SORCS2: variants seen among roughly 807,000 people sequenced by gnomAD.
SORCS2 encodes the protein VPS10 domain-containing receptor SorCS2.
Under a neutral mutation model 141.6 loss-of-function variants are expected in SORCS2, and 100 were observed. The ratio of observed to expected loss-of-function variants is 0.71; its 90% confidence interval spans 0.60 to 0.83. The LOEUF (loss-of-function observed/expected upper bound fraction) is 0.83, where lower values mean the gene tolerates loss of function less well. Ranked by LOEUF, SORCS2 falls within the 40% of genes least tolerant of loss-of-function variation. The pLI, the probability that SORCS2 is intolerant of heterozygous loss-of-function variation, is 0.00. For synonymous variants in SORCS2, 789 were observed against 676.9 expected, an observed-to-expected ratio of 1.17 and a Z score of -2.57; for missense variants, 1,646 against 1,560.2, an observed-to-expected ratio of 1.05 and a Z score of -0.93.
chr4:7,677,336 C>T (rs965452210), intron 9 of SORCS2, among the ~76,000 whole-genome samples: 1 of 152,248 alleles, frequency 6.6e-6, no homozygotes, highest in African/African-American at 2.4e-5. Context: ...ACAGGCCTCT[C>T]CTTTGTTCCT....
At chr4:7,292,117 G>A (rs1310073847) in intron 1 of SORCS2, among the ~76,000 whole-genome samples, 2 of 152,150 alleles carry the variant, frequency 1.3e-5, no homozygotes, top group Admixed American at 6.5e-5. Context: ...GCTCTCTCCC[G>A]CTGATCTCCT....
At chr4:7,243,701 C>T (rs1264371233) in intron 1 of SORCS2, among the ~76,000 whole-genome samples, 3 of 152,372 alleles carry the variant, frequency 2.0e-5, no homozygotes, top group African/African-American at 7.2e-5. Context: ...ATGTGGTTTG[C>T]ACAAACAGCA....
intron 1 of SORCS2, among the ~76,000 whole-genome samples, chr4:7,251,370 G>A (rs6446587): frequency 0.18 from 26,609 of 152,038 alleles, 2,786 homozygotes; most frequent in East Asian, 0.33. Context: ...ATATACATAC[G>A]AATATTCAAA....
rs538239658 is a variant in SORCS2, at chr4:7,490,021, C to A, written c.549-41509C>A. 1.1e-4 allele frequency among the ~76,000 whole-genome samples: 17 copies of A among 152,314 alleles called. No homozygotes were observed. The South Asian group carries it at 3.5e-3, about 32-fold the overall frequency. ...TGTTGTATTTCAGGTCTAGAAAGAT[C>A]TCCAGACAACAGGAGGAGTCTGATA... On this transcript the variant is annotated intron_variant, in intron 2 of 26. Coordinates refer to ENST00000507866, the MANE Select transcript of SORCS2 (RefSeq NM_020777.3).
At chr4:7,581,996 A>T (rs1438241717) in intron 3 of SORCS2, among the ~76,000 whole-genome samples, 1 of 152,138 alleles carries the variant, frequency 6.6e-6, no homozygotes, top group Non-Finnish European at 1.5e-5. Flanking sequence ...ATCTACCCAC[A>T]TTATCAGGAA....
At chr4:7,283,629 G>A (rs3846421) in intron 1 of SORCS2, among the ~76,000 whole-genome samples, 102,561 of 152,018 alleles carry the variant, frequency 0.67, 34,692 homozygotes, top group Admixed American at 0.77. Flanking sequence ...ACCTGTGCCT[G>A]CCCTTGTGGG....
At chr4:7,379,315 T>C (rs1722844203) in intron 1 of SORCS2, among the ~76,000 whole-genome samples, 1 of 152,164 alleles carries the variant, frequency 6.6e-6, no homozygotes, top group Non-Finnish European at 1.5e-5. Flanking sequence ...GGATCACCAC[T>C]GGGCATCTGC....
chr4:7,378,023 A>G (rs1481633148), intron 1 of SORCS2, among the ~76,000 whole-genome samples: 1 of 152,242 alleles, frequency 6.6e-6, no homozygotes, highest in Admixed American at 6.5e-5. Context: ...ATTTTCATGA[A>G]GAAGGATATA....
chr4:7,369,778 G>A (rs374083057), intron 1 of SORCS2, among the ~76,000 whole-genome samples: 27 of 152,282 alleles, frequency 1.8e-4, no homozygotes, highest in South Asian at 4.1e-4. Flanking sequence ...CGTGGATTTC[G>A]TCAGCGCATC....
At chr4:7,605,138 A>G (rs956070778) in intron 3 of SORCS2, among the ~76,000 whole-genome samples, 18 of 151,788 alleles carry the variant, frequency 1.2e-4, no homozygotes, top group African/African-American at 4.4e-4. Flanking sequence ...TTTATACCTC[A>G]CTCTGCCTGG....
At chr4:7,414,073 C>T (rs1725502402) in intron 2 of SORCS2, among the ~76,000 whole-genome samples, 1 of 152,170 alleles carries the variant, frequency 6.6e-6, no homozygotes, top group African/African-American at 2.4e-5. Flanking sequence ...GAATGTATCT[C>T]CAGCTAAAGG....
chr4:7,632,536 C>T (rs1021272700), intron 3 of SORCS2, among the ~76,000 whole-genome samples: 27 of 152,316 alleles, frequency 1.8e-4, no homozygotes, highest in African/African-American at 4.8e-4. Flanking sequence ...AAAATAGCCC[C>T]GGCCCAGATT....
Position 7,398,118 on chromosome 4 carries a change from G to A in SORCS2, c.548+1763G>A, listed in dbSNP as rs150937429. Among the ~76,000 whole-genome samples the A allele has an allele frequency of 3.6e-4, 55 of 152,338 alleles. No homozygotes were observed. In the East Asian group the frequency reaches 7.1e-3, roughly 20 times the overall value. ...CCGGTGTGATCTGCACTTATACGAC[G>A]GAGTTGCCGGCTTAGTTTACGTTTG... On this transcript the variant is annotated intron_variant, in intron 2 of 26. Transcript: ENST00000507866.
chr4:7,633,212 A>G (rs573013683), intron 3 of SORCS2, among the ~76,000 whole-genome samples: 1 of 152,296 alleles, frequency 6.6e-6, no homozygotes, highest in African/African-American at 2.4e-5. Context: ...CAGTACACAC[A>G]CAAGTGGTTG....
chr4:7,734,232 G>A (rs762432136), intron 24 of SORCS2, 40 bp from the exon 25 acceptor site: 44 of 1,460,940 alleles, frequency 3.0e-5, no homozygotes, highest in Non-Finnish European at 3.7e-5. Context: ...AGGGATGGGC[G>A]GTGCCCGAGG....
At chr4:7,295,681 G>A (rs1337624793) in intron 1 of SORCS2, among the ~76,000 whole-genome samples, 1 of 152,232 alleles carries the variant, frequency 6.6e-6, no homozygotes, top group African/African-American at 2.4e-5. Context: ...TGGTGTGAAC[G>A]GGACGGCACT....
intron 1 of SORCS2, among the ~76,000 whole-genome samples, chr4:7,384,990 C>T (rs1297281717): frequency 2.0e-5 from 3 of 152,212 alleles, no homozygotes. Flanking sequence ...CTGATGGCTC[C>T]ACTTTGGAGG....
chr4:7,680,136 G>A (rs541174822), intron 9 of SORCS2, among the ~76,000 whole-genome samples: 17 of 152,266 alleles, frequency 1.1e-4, no homozygotes, highest in African/African-American at 4.1e-4. Flanking sequence ...CACATTCCCC[G>A]GGCCTCCCTT....
chr4:7,715,883 A>G (rs1289853937), intron 17 of SORCS2, among the ~76,000 whole-genome samples: 2 of 152,134 alleles, frequency 1.3e-5, no homozygotes, highest in East Asian at 3.9e-4. Context: ...CACAGCACAA[A>G]TCCCAGTTAT....
Sources: allele counts gnomAD v4.1 joint callset (sites outside exome capture counted in the v4.1 genomes callset), GRCh38; gene constraint gnomAD v4.1.1; transcripts MANE v1.5; gene names NCBI Gene and HGNC (gene_info 2026-07-23, HGNC 2026-07-21).